The following TMTC1 variants were observed in gnomAD, a reference collection of about 807,000 sequenced individuals.
The protein encoded by TMTC1 is transmembrane O-mannosyltransferase targeting cadherins 1.
In TMTC1, 73 loss-of-function variants were observed where a neutral mutation model predicts 104.8. That is an observed-to-expected ratio of 0.70 (90% confidence interval 0.58 to 0.85). The LOEUF (loss-of-function observed/expected upper bound fraction) is 0.85. Ranked by LOEUF, TMTC1 falls within the 40% of genes least tolerant of loss-of-function variation. The probability of loss-of-function intolerance (pLI) is 0.00; values close to 1 mark genes in which losing one functional copy is unlikely to be tolerated. For synonymous variants in TMTC1, 434 were observed against 428.7 expected, an observed-to-expected ratio of 1.01 and a Z score of -0.15; for missense variants, 1,035 against 1,096.1, an observed-to-expected ratio of 0.94 and a Z score of 0.79.
At chr12:29,599,131 T>C (rs1301205950) in intron 7 of TMTC1, among the ~76,000 whole-genome samples, 1 of 152,228 alleles carries the variant, frequency 6.6e-6, no homozygotes, top group Non-Finnish European at 1.5e-5. Flanking sequence ...AGAGCTACCA[T>C]CAACTACTTC....
At chr12:29,705,690 T>G (rs1327408752) in intron 5 of TMTC1, among the ~76,000 whole-genome samples, 1 of 152,230 alleles carries the variant, frequency 6.6e-6, no homozygotes, top group East Asian at 1.9e-4. Flanking sequence ...TCTGTGTTTC[T>G]CCTGTGTACA....
chr12:29,549,291 A>G (rs534522994), intron 10 of TMTC1, among the ~76,000 whole-genome samples: 15 of 152,142 alleles, frequency 9.9e-5, no homozygotes, highest in African/African-American at 3.6e-4. Context: ...TGCCAAAAAT[A>G]CATACCAAAT....
chr12:29,782,415 G>C (rs1943855010), intron 1 of TMTC1, among the ~76,000 whole-genome samples: 1 of 152,118 alleles, frequency 6.6e-6, no homozygotes, highest in South Asian at 2.1e-4. Flanking sequence ...TGCCAACCCA[G>C]TCTCAAATAA....
Position 29,501,681 on chromosome 12 carries a change from T to C in TMTC1, c.*5165A>G, listed in dbSNP as rs1304479941. ...AAAGAAACTACTGGATTTTTAGAAA[T>C]AGACATGTCTCTCCAGGTAGGAGTC... is the stretch of plus-strand genomic sequence containing the variant. On this transcript the variant is annotated 3_prime_UTR_variant, in exon 18 of 18. Coordinates refer to ENST00000539277, the MANE Select transcript of TMTC1 (RefSeq NM_001193451.2). The C allele has an allele frequency of 1.3e-5, 2 of 152,196 alleles. No homozygotes were observed. Among genetic ancestry groups the C allele is most frequent in the African/African-American group, 2.4e-5 (1 of 41,434 alleles). The allele number at this position is 152,196 out of a possible 1,614,324, so 9.4% of individuals were successfully genotyped here.
chr12:29,703,171 ATGACT>A (rs1388927474), intron 5 of TMTC1, among the ~76,000 whole-genome samples: 3 of 151,996 alleles, frequency 2.0e-5, no homozygotes, highest in African/African-American at 7.2e-5. Context: ...AACTGAAAAA[ATGACT>A]TGTGCTTGGG....
At position 29,501,391 on chromosome 12, in the gene TMTC1, T is replaced by C. The variant is rs964384965; in HGVS notation, c.*5455A>G. On this transcript the variant is annotated 3_prime_UTR_variant, in exon 18 of 18. Transcript: ENST00000539277. ...CAAGAGTAACTATTAGAGTTACTCA[T>C]TGAGCTTAATGGAAACATCAAACCG... The C allele has an allele frequency of 6.6e-6, 1 of 152,182 alleles. No homozygotes were observed. The highest frequency in any genetic ancestry group is 1.9e-4 in the East Asian group (1 of 5,198). The allele number at this position is 152,182 out of a possible 1,614,324, so 9.4% of individuals were successfully genotyped here. A position where few individuals can be genotyped will look rare whatever the true frequency, so the allele number is the denominator to read the frequency against.
At chr12:29,516,282 A>G in intron 15 of TMTC1, 67 bp downstream of exon 15, 1 of 1,531,376 alleles carries the variant, frequency 6.5e-7, no homozygotes, top group Non-Finnish European at 8.8e-7. Context: ...CAAACTGGAG[A>G]ATCACTTAGG....
intron 6 of TMTC1, among the ~76,000 whole-genome samples, chr12:29,623,938 A>G (rs1239536785): frequency 6.6e-6 from 1 of 152,082 alleles, no homozygotes; most frequent in African/African-American, 2.4e-5. Flanking sequence ...CCTGCACTCC[A>G]TGGACACACA....
intron 5 of TMTC1, among the ~76,000 whole-genome samples, chr12:29,695,551 C>T (rs1036580256): frequency 6.6e-5 from 10 of 151,706 alleles, no homozygotes; most frequent in Admixed American, 2.0e-4. Context: ...GTGATCTGGC[C>T]GCCTCAGCCT....
intron 6 of TMTC1, among the ~76,000 whole-genome samples, chr12:29,611,019 C>G (rs1445108049): frequency 6.6e-6 from 1 of 152,198 alleles, no homozygotes; most frequent in Admixed American, 6.5e-5. Flanking sequence ...TACTTGATGT[C>G]TTCCCTAAGC....
intron 2 of TMTC1, among the ~76,000 whole-genome samples, chr12:29,759,476 ACAGAGTGGACCCTGTCT>A (rs1208016295): frequency 6.6e-6 from 1 of 152,192 alleles, no homozygotes; most frequent in African/African-American, 2.4e-5. Flanking sequence ...AGCCTGGGTG[ACAGAGTGGACCCTGTCT>A]CAAAAAATAA....
intron 5 of TMTC1, among the ~76,000 whole-genome samples, chr12:29,739,447 G>A (rs1024178272): frequency 6.6e-6 from 1 of 152,128 alleles, no homozygotes; most frequent in Non-Finnish European, 1.5e-5. Flanking sequence ...GCTGGCTAAG[G>A]TCACCTCTCC....
intron 5 of TMTC1, among the ~76,000 whole-genome samples, chr12:29,730,069 T>G (rs566653834): frequency 6.6e-6 from 1 of 152,090 alleles, no homozygotes; most frequent in East Asian, 1.9e-4. Context: ...GCCACACAAG[T>G]GACTCTGAGC....
At chr12:29,651,632 C>G (rs1939521940) in intron 5 of TMTC1, among the ~76,000 whole-genome samples, 1 of 152,128 alleles carries the variant, frequency 6.6e-6, no homozygotes, top group Non-Finnish European at 1.5e-5. Flanking sequence ...GTTACTGGGC[C>G]CACAGCCCTC....
intron 5 of TMTC1, among the ~76,000 whole-genome samples, chr12:29,685,385 C>T (rs577117897): frequency 1.4e-4 from 21 of 151,620 alleles, no homozygotes; most frequent in Middle Eastern, 6.8e-3. Context: ...AAAAAACTTT[C>T]CAGGAAAGCA....
chr12:29,755,504 A>G (rs575275482), intron 4 of TMTC1, among the ~76,000 whole-genome samples: 2 of 152,338 alleles, frequency 1.3e-5, no homozygotes, highest in Admixed American at 6.5e-5. Flanking sequence ...CATAGTCCTC[A>G]CTGATTTATA....
intron 5 of TMTC1, among the ~76,000 whole-genome samples, chr12:29,736,772 C>T (rs1319139759): frequency 6.6e-6 from 1 of 152,230 alleles, no homozygotes; most frequent in East Asian, 1.9e-4. Context: ...ACTAGTGCGC[C>T]ACCATGACTA....
chr12:29,588,877 A>T (rs1025638198), intron 7 of TMTC1, among the ~76,000 whole-genome samples: 1 of 150,664 alleles, frequency 6.6e-6, no homozygotes, highest in Non-Finnish European at 1.5e-5. Context: ...TGACTTGCTG[A>T]ATTAAGTCTT....
chr12:29,576,041 C>G (rs772524767), intron 8 of TMTC1, among the ~76,000 whole-genome samples: 1 of 152,142 alleles, frequency 6.6e-6, no homozygotes, highest in Non-Finnish European at 1.5e-5. Context: ...ATTTGCTTGT[C>G]TTCTTTTCAA....
Sources: gnomAD v4.1 joint callset for allele counts (sites outside exome capture counted in the v4.1 genomes callset) on GRCh38, gnomAD v4.1.1 for gene constraint, MANE v1.5 for transcripts, NCBI Gene and HGNC (gene_info 2026-07-23, HGNC 2026-07-21) for gene names.